The following NFIB variants were observed in gnomAD, a reference collection of about 807,000 sequenced individuals.
NFIB encodes the protein nuclear factor I B.
NFIB carries 11 observed loss-of-function variants against 61.5 expected under a neutral mutation model. The observed-to-expected ratio is 0.18, with a 90% CI of 0.11 to 0.30. NFIB has a LOEUF of 0.30. NFIB is among the 10% of genes least tolerant of loss of function. NFIB has a pLI of 1.00. For missense variants in NFIB, 471 were observed against 608.9 expected, an observed-to-expected ratio of 0.77 and a Z score of 2.38; for synonymous variants, 260 against 216.5, an observed-to-expected ratio of 1.20 and a Z score of -1.76.
intron 2 of NFIB, among the ~76,000 whole-genome samples, chr9:14,228,698 C>T (rs1362262873): frequency 6.6e-6 from 1 of 152,152 alleles, no homozygotes; most frequent in Non-Finnish European, 1.5e-5. Context: ...TCCTTTCTAG[C>T]CAGGCTTTAC....
the NFIB span, among the ~76,000 whole-genome samples, chr9:14,468,093 A>T: frequency 3.3e-5 from 5 of 152,222 alleles, no homozygotes; most frequent in Admixed American, 6.5e-5. Flanking sequence ...AGGGGAACAA[A>T]CCAACTTACA....
At chr9:14,513,728 A>G in the NFIB span, among the ~76,000 whole-genome samples, 310 of 152,194 alleles carry the variant, frequency 2.0e-3, 3 homozygotes, top group African/African-American at 6.8e-3. Flanking sequence ...TGATGATCCT[A>G]TAAGTTTTGA....
intron 2 of NFIB, among the ~76,000 whole-genome samples, chr9:14,206,865 G>T (rs559990036): frequency 1.3e-5 from 2 of 152,146 alleles, no homozygotes; most frequent in South Asian, 4.1e-4. Context: ...GCACAAGACA[G>T]TGCAACGCAT....
chr9:14,159,799 C>G (rs935833098), intron 3 of NFIB, among the ~76,000 whole-genome samples: 1 of 152,178 alleles, frequency 6.6e-6, no homozygotes, highest in Admixed American at 6.5e-5. Context: ...GGGGGTGAAA[C>G]TCAGCAAAAT....
chr9:14,445,963 T>G, the NFIB span, among the ~76,000 whole-genome samples: 100 of 152,286 alleles, frequency 6.6e-4, no homozygotes, highest in African/African-American at 2.3e-3. Context: ...AGATTTTGTG[T>G]GTATGAAAAT....
At chr9:14,479,418 C>G in the NFIB span, among the ~76,000 whole-genome samples, 1 of 152,214 alleles carries the variant, frequency 6.6e-6, no homozygotes, top group Non-Finnish European at 1.5e-5. Context: ...AATCTACAGG[C>G]TTGGGTATGG....
chr9:14,157,957 A>G (rs1291737715), intron 3 of NFIB, among the ~76,000 whole-genome samples: 2 of 151,956 alleles, frequency 1.3e-5, no homozygotes, highest in Non-Finnish European at 2.9e-5. Context: ...CTAAAAATAC[A>G]AAAATTAGCC....
intron 3 of NFIB, among the ~76,000 whole-genome samples, chr9:14,172,500 G>T (rs1333312844): frequency 6.6e-6 from 1 of 152,040 alleles, no homozygotes; most frequent in African/African-American, 2.4e-5. Context: ...TTCTTGGTAG[G>T]AAAAAAGTAA....
intron 2 of NFIB, among the ~76,000 whole-genome samples, chr9:14,211,158 A>T (rs2050264907): frequency 6.6e-6 from 1 of 152,222 alleles, no homozygotes; most frequent in Non-Finnish European, 1.5e-5. Context: ...ATTTCAAAAC[A>T]ACAGTGCTCT....
intron 2 of NFIB, among the ~76,000 whole-genome samples, chr9:14,290,828 T>C (rs950708899): frequency 1.3e-5 from 2 of 152,094 alleles, no homozygotes; most frequent in African/African-American, 2.4e-5. Flanking sequence ...ATGTTCTATA[T>C]TCAGTATAAA....
At chr9:14,422,762 G>A in the NFIB span, among the ~76,000 whole-genome samples, 21 of 152,154 alleles carry the variant, frequency 1.4e-4, no homozygotes, top group African/African-American at 4.1e-4. Context: ...CCACTTCTGC[G>A]ACTGAGGAAG....
At chr9:14,442,962 C>T in the NFIB span, among the ~76,000 whole-genome samples, 2 of 152,134 alleles carry the variant, frequency 1.3e-5, no homozygotes, top group East Asian at 3.9e-4. Flanking sequence ...GCCACACTTG[C>T]GACATGGCCA....
chr9:14,481,340 G>A, the NFIB span, among the ~76,000 whole-genome samples: 1 of 148,826 alleles, frequency 6.7e-6, no homozygotes, highest in Non-Finnish European at 1.5e-5. Flanking sequence ...GGTTTAATAA[G>A]GCTTCCTTTG....
At position 14,150,192 on chromosome 9, in the gene NFIB, C is replaced by G; in HGVS notation, c.759G>C (p.Met253Ile). ...EIPSQPYYHD[M>I]NSGVNLQRSL... ...ACCTCTGAAGATTGACCCCCGAGTT[C>G]ATGTCATGATAGTATGGTTGGCTTG... The change falls in exon 5 of 11, where the codon ATG becomes ATC. Residue 253 changes from methionine (M) to isoleucine (I), a missense_variant. Physicochemically the swap from Met to Ile is conservative, Grantham distance 10. Transcript: ENST00000380953. The G allele has an allele frequency of 6.2e-7, 1 of 1,613,540 alleles. No individual in the cohort carries two copies.
At chr9:14,446,977 C>A in the NFIB span, among the ~76,000 whole-genome samples, 1 of 152,216 alleles carries the variant, frequency 6.6e-6, no homozygotes, top group African/African-American at 2.4e-5. Context: ...GTAGTCATCT[C>A]TAATGGATAA....
intron 2 of NFIB, among the ~76,000 whole-genome samples, chr9:14,297,581 G>A (rs1423716718): frequency 1.3e-5 from 2 of 152,194 alleles, no homozygotes; most frequent in Non-Finnish European, 2.9e-5. Context: ...ATATTTTCTA[G>A]ATGGGAATGC....
At chr9:14,370,892 C>T (rs907781277) in intron 1 of NFIB, among the ~76,000 whole-genome samples, 1 of 152,112 alleles carries the variant, frequency 6.6e-6, no homozygotes, top group Admixed American at 6.6e-5. Context: ...GTCGGGAGTT[C>T]AAGACCAGCC....
the NFIB span, among the ~76,000 whole-genome samples, chr9:14,451,110 A>C: frequency 6.6e-6 from 1 of 152,200 alleles, no homozygotes; most frequent in African/African-American, 2.4e-5. Context: ...AGCTGGAGGA[A>C]ACATTTGAGG....
chr9:14,197,033 T>C (rs1180338777), intron 2 of NFIB, among the ~76,000 whole-genome samples: 1 of 152,234 alleles, frequency 6.6e-6, no homozygotes, highest in East Asian at 1.9e-4. Flanking sequence ...GGCTCTTTCT[T>C]ACCTTCCATT....
Sources: allele counts gnomAD v4.1 joint callset (sites outside exome capture counted in the v4.1 genomes callset), GRCh38; gene constraint gnomAD v4.1.1; transcripts MANE v1.5; gene names NCBI Gene and HGNC (gene_info 2026-07-23, HGNC 2026-07-21).